NCKAP1L: variants seen among roughly 807,000 people sequenced by gnomAD.
NCKAP1L encodes the protein nck-associated protein 1-like.
Under a neutral mutation model 139.2 loss-of-function variants are expected in NCKAP1L, and 53 were observed. The observed-to-expected ratio is 0.38, with a 90% CI of 0.31 to 0.48. The LOEUF (loss-of-function observed/expected upper bound fraction) is 0.48. Ranked by LOEUF, NCKAP1L falls within the 20% of genes least tolerant of loss-of-function variation. NCKAP1L has a pLI of 0.98. For missense variants in NCKAP1L, 1,151 were observed against 1,381.9 expected (o/e 0.83, Z 2.65); for synonymous variants, 468 against 499.7 (o/e 0.94, Z 0.85).
intron 3 of NCKAP1L, among the ~76,000 whole-genome samples, chr12:54,506,794 A>ATATATATATATATATATATATAT (rs1468649208): frequency 8.4e-5 from 2 of 23,758 alleles, no homozygotes; most frequent in African/African-American, 4.8e-4. Context: ...TTAAAAAAAA[A>ATATATATATATATATATATATAT]AAATATATAT....
rs769178061 is a variant in NCKAP1L at position 54,536,955 on chromosome 12, A to G, written c.3085A>G (p.Asn1029Asp). 5 of 1,611,062 alleles carry G rather than the reference A, an allele frequency of 3.1e-6. No individual in the cohort carries two copies. The African/African-American group carries it at 4.0e-5, about 13-fold the overall frequency. The part of the protein sequence containing the change: ...YSIEKDGYNN[N>D]IHCLTKAIIQ... Reference sequence around the variant, plus strand: ...CAATAATAACCTAGGTTACAACAACAATATTCATTGCTTGACCAAAGCCAT... The same window carrying G: ...CAATAATAACCTAGGTTACAACAACGATATTCATTGCTTGACCAAAGCCAT... The change falls in exon 29 of 31, where the codon AAT becomes GAT. Residue 1029 changes from asparagine to aspartate, a missense_variant. Transcript: ENST00000293373.
rs777964166 is a variant in NCKAP1L at position 54,547,820 on chromosome 12, G to C, written c.*5135G>C. The stretch of plus-strand genomic sequence containing the variant: ...GCTCCCAAATTTTCAGAAATGGACT[G>C]TGTAGGAGTGTGACTAGGGTCTCAG... On this transcript the variant is annotated 3_prime_UTR_variant, in exon 31 of 31. Transcript: ENST00000293373. 3 of 152,228 alleles carry C rather than the reference G, an allele frequency of 2.0e-5. No individual in the cohort carries two copies. Among genetic ancestry groups the C allele is most frequent in the Admixed American group, 6.5e-5 (1 of 15,276 alleles). The allele number at this position is 152,228 out of a possible 1,614,324, so 9.4% of individuals were successfully genotyped here.
intron 3 of NCKAP1L, among the ~76,000 whole-genome samples, chr12:54,503,149 G>A (rs1222374179): frequency 6.6e-6 from 1 of 151,818 alleles, no homozygotes; most frequent in African/African-American, 2.4e-5. Flanking sequence ...CCTTTGTCTT[G>A]TATGACACTG....
intron 30 of NCKAP1L, 31 bp from the exon 31 acceptor site, chr12:54,542,544 G>C: frequency 1.3e-6 from 2 of 1,515,446 alleles, no homozygotes; most frequent in Non-Finnish European, 1.8e-6. Flanking sequence ...CCCTACCTGA[G>C]GTTCTCATCT....
At chr12:54,515,754 T>C (rs1178046367) in intron 9 of NCKAP1L, among the ~76,000 whole-genome samples, 1 of 152,184 alleles carries the variant, frequency 6.6e-6, no homozygotes, top group Non-Finnish European at 1.5e-5. Context: ...GATTAAAGTA[T>C]TAAATAGATA....
At chr12:54,522,585 A>G (rs539987723) in intron 18 of NCKAP1L, among the ~76,000 whole-genome samples, 2 of 152,352 alleles carry the variant, frequency 1.3e-5, no homozygotes, top group African/African-American at 4.8e-5. Flanking sequence ...GGGTTGACAC[A>G]TCTTTTTCCA....
Position 54,535,910 on chromosome 12 carries a change from A to C in NCKAP1L, c.2957-219A>C, listed in dbSNP as rs568854766. On this transcript the variant is annotated intron_variant, in intron 27 of 30. Transcript: ENST00000293373. ...TGAAAGTTCTGCCCTGTTGCCAGGGAGGCCTCCAGGACTCAGGCCCTTCAC... is the reference window on the plus strand; with the variant it reads ...TGAAAGTTCTGCCCTGTTGCCAGGGCGGCCTCCAGGACTCAGGCCCTTCAC... Among the ~76,000 whole-genome samples the C allele has an allele frequency of 1.3e-5, 2 of 152,194 alleles. 1 individual carries two copies. Among genetic ancestry groups the C allele is most frequent in the Admixed American group, 1.3e-4 (2 of 15,280 alleles).
Position 54,536,194 on chromosome 12 carries a change from C to G in NCKAP1L, c.3022C>G (p.Leu1008Val). 1 of 1,613,486 alleles carries G rather than the reference C, an allele frequency of 6.2e-7. No homozygotes were observed. ...CLLLIFLAVS[L>V]PLLATDPSSF... ...GCTCTTGATCTTTCTGGCAGTTTCC[C>G]TCCCACTCCTTGCCACTGACCCTTC... The change falls in exon 28 of 31, where the codon CTC becomes GTC. Residue 1008 changes from leucine (L) to valine (V), a missense_variant. Leu to Val is a conservative substitution (Grantham distance 32). Coordinates refer to ENST00000293373, the MANE Select transcript of NCKAP1L (RefSeq NM_005337.5).
intron 3 of NCKAP1L, among the ~76,000 whole-genome samples, chr12:54,506,796 A>AAAAAAAAAATATATATATATATATATAT: frequency 2.0e-5 from 1 of 50,602 alleles, no homozygotes; most frequent in African/African-American, 1.1e-4. Flanking sequence ...AAAAAAAAAA[A>AAAAAAAAAATATATATATATATATATAT]ATATATATAT....
At position 54,522,874 on chromosome 12, in the gene NCKAP1L, A is replaced by G. The variant is rs146123267; in HGVS notation, c.1879-520A>G. 7.4e-3 allele frequency among the ~76,000 whole-genome samples: 1,131 copies of G among 152,304 alleles called. 11 individuals are homozygous for G. Among genetic ancestry groups the G allele is most frequent in the African/African-American group, 0.026 (1,087 of 41,554 alleles). On this transcript the variant is annotated intron_variant, in intron 18 of 30. Coordinates refer to ENST00000293373, the MANE Select transcript of NCKAP1L (RefSeq NM_005337.5). ...TAAGCTAATTAGCAAGAAATATGCT[A>G]CTTAAAAAAAAAGTGGAAAGACAAT...
chr12:54,512,529 G>A, intron 9 of NCKAP1L: 1 of 157,734 alleles, frequency 6.3e-6, no homozygotes, highest in Non-Finnish European at 1.4e-5. Context: ...AAAAGTTCCT[G>A]GTACATTGTA....
chr12:54,531,091 G>C (rs1397021112), intron 22 of NCKAP1L, among the ~76,000 whole-genome samples, 169 bp from the exon 23 acceptor site: 2 of 152,254 alleles, frequency 1.3e-5, no homozygotes, highest in Non-Finnish European at 2.9e-5. Flanking sequence ...CCATGGACTT[G>C]CCAGACTTGT....
rs1456726429 is a variant in NCKAP1L, at chr12:54,512,305, G to C, written c.941+200G>C. 6.4e-6 allele frequency: 3 copies of C among 467,440 alleles called. No homozygotes were observed. The Admixed American group carries it at 1.0e-4, about 16-fold the overall frequency. 29.0% of individuals were successfully genotyped at this position (467,440 alleles called of 1,614,324 possible). On this transcript the variant is annotated intron_variant, in intron 9 of 30. Transcript: ENST00000293373. ...ACACAATAATGAATAAGACAACATGGAGGTTAAGAGCACAGACTCTGAAAC... is the reference window on the plus strand; with the variant it reads ...ACACAATAATGAATAAGACAACATGCAGGTTAAGAGCACAGACTCTGAAAC...
chr12:54,507,914 G>A lies in NCKAP1L; in HGVS notation c.363+5G>A. 6.2e-7 allele frequency: 1 copy of A among 1,613,652 alleles called. No homozygotes were observed. Among genetic ancestry groups the A allele is most frequent in the African/African-American group, 1.3e-5 (1 of 75,010 alleles). On this transcript the variant is annotated splice_donor_5th_base_variant and intron_variant, in intron 4 of 30. Transcript: ENST00000293373. ...TGCCAGTGCCATTTTGATATCGTAA[G>A]AACCTTTGCAATTCTCTTCTATCGT...
rs531676399 is a variant in NCKAP1L at position 54,524,225 on chromosome 12, T to G, written c.2156+269T>G. ...TGGTTTAGTAGAATGAGCAAGGCCTTTGCAGTGAGCAGACCTGTGTTGACA... is the reference window on the plus strand; with the variant it reads ...TGGTTTAGTAGAATGAGCAAGGCCTGTGCAGTGAGCAGACCTGTGTTGACA... On this transcript the variant is annotated intron_variant, in intron 20 of 30. Transcript: ENST00000293373. Among the ~76,000 whole-genome samples the G allele has an allele frequency of 2.0e-5, 3 of 152,320 alleles. No individual in the cohort carries two copies. The South Asian group carries it at 6.2e-4, about 32-fold the overall frequency.
chr12:54,515,555 G>A (rs985542672), intron 9 of NCKAP1L, among the ~76,000 whole-genome samples: 2 of 152,244 alleles, frequency 1.3e-5, no homozygotes, highest in Non-Finnish European at 2.9e-5. Flanking sequence ...TGAAGGCTTT[G>A]TGGGATTCAA....
At position 54,526,709 on chromosome 12, in the gene NCKAP1L, T is replaced by C. The variant is rs938925576; in HGVS notation, c.2338T>C (p.Cys780Arg). 3 of 1,614,016 alleles carry C rather than the reference T, an allele frequency of 1.9e-6. No homozygotes were observed. In the African/African-American group the frequency reaches 4.0e-5, roughly 22 times the overall value. ...GCAGCAGACACAACCACTGGATTCCTGTGGGGAACAGACAATCACCACACT... is the reference window on the plus strand; with the variant it reads ...GCAGCAGACACAACCACTGGATTCCCGTGGGGAACAGACAATCACCACACT... ...LLQQTQPLDS[C>R]GEQTITTLYT... The change falls in exon 21 of 31, where the codon TGT becomes CGT. Residue 780 changes from cysteine (C) to arginine (R), a missense_variant. Cys to Arg is a radical substitution (Grantham distance 180, BLOSUM62 -3). Transcript: ENST00000293373.
At position 54,543,551 on chromosome 12, in the gene NCKAP1L, C is replaced by A. The variant is rs1297845580; in HGVS notation, c.*866C>A. On this transcript the variant is annotated 3_prime_UTR_variant, in exon 31 of 31. Transcript: ENST00000293373. ...TTTATTGGGAGGGACTAATTTAACC[C>A]CAAATCCTTTTGTCAGCCTGGGTAT... The A allele has an allele frequency of 6.6e-6, 1 of 152,164 alleles. No homozygotes were observed. The highest frequency in any genetic ancestry group is 2.4e-5 in the African/African-American group (1 of 41,436). The allele number at this position is 152,164 out of a possible 1,614,324, so 9.4% of individuals were successfully genotyped here.
At chr12:54,532,278 A>T (rs1159655536) in intron 26 of NCKAP1L, 28 bp downstream of exon 26, 1 of 1,567,414 alleles carries the variant, frequency 6.4e-7, no homozygotes, top group African/African-American at 1.4e-5. Flanking sequence ...GTAGAATCTA[A>T]TTAGGAGACT....
Sources: allele counts gnomAD v4.1 joint callset (sites outside exome capture counted in the v4.1 genomes callset), GRCh38; gene constraint gnomAD v4.1.1; transcripts MANE v1.5; gene names NCBI Gene and HGNC (gene_info 2026-07-23, HGNC 2026-07-21).